The following ELFN1 variants were observed in gnomAD, a reference collection of about 807,000 sequenced individuals.
ELFN1 encodes the protein extracellular leucine rich repeat and fibronectin type III domain containing 1, also known as protein ELFN1.
In ELFN1, 6 loss-of-function variants were observed where a neutral mutation model predicts 7.6. That is an observed-to-expected ratio of 0.79 (90% CI 0.43 to 1.56). The LOEUF is 1.56. Ranked by LOEUF, ELFN1 falls within the 40% of genes most tolerant of loss-of-function variation. The pLI, the probability that ELFN1 is intolerant of heterozygous loss-of-function variation, is 0.01. For synonymous variants in ELFN1, 657 were observed against 588.1 expected (o/e 1.12, Z -1.70); for missense variants, 1,169 against 1,232.2 (o/e 0.95, Z 0.77).
At chr7:1,708,060 C>CT (rs1028216878) in intron 2 of ELFN1, among the ~76,000 whole-genome samples, 1 of 152,214 alleles carries the variant, frequency 6.6e-6, no homozygotes, top group African/African-American at 2.4e-5. Context: ...CTAGAACCCC[C>CT]CTTTGTCTTG....
chr7:1,747,302 CCACACACACACACACA>C lies in ELFN1; in HGVS notation c.*237_*252del. ...GCTTGTCGCCCCGGGTGGCACGTGT[CCACACACACACACACA>C]CACACACACACACACACGAGGGACT... On this transcript the variant is annotated 3_prime_UTR_variant, in exon 4 of 4. Transcript: ENST00000424383. 7.5e-6 allele frequency: 2 copies of C among 267,068 alleles called. No homozygotes were observed. Among genetic ancestry groups the C allele is most frequent in the Non-Finnish European group, 1.3e-5 (2 of 153,868 alleles). The allele number at this position is 267,068 out of a possible 1,614,324, so 16.5% of individuals were successfully genotyped here. A position where few individuals can be genotyped will look rare whatever the true frequency, so the allele number is the denominator to read the frequency against.
chr7:1,697,485 C>G (rs1326354799), intron 2 of ELFN1, among the ~76,000 whole-genome samples: 1 of 152,244 alleles, frequency 6.6e-6, no homozygotes, highest in Non-Finnish European at 1.5e-5. Context: ...GGTCCCGGCA[C>G]AGCCGAGGCC....
intron 1 of ELFN1, among the ~76,000 whole-genome samples, chr7:1,676,256 G>A (rs1778868643): frequency 6.6e-6 from 1 of 152,214 alleles, no homozygotes; most frequent in Non-Finnish European, 1.5e-5. Context: ...CTCACTGACA[G>A]ACTGCCCCTG....
chr7:1,666,459 G>A (rs1043112625), upstream of ELFN1, among the ~76,000 whole-genome samples: 1 of 152,008 alleles, frequency 6.6e-6, no homozygotes, highest in East Asian at 2.0e-4. The surrounding 1 kb of genome is among the most constrained non-coding windows in gnomAD (Gnocchi z 7.9). Flanking sequence ...CACCCACCCA[G>A]GTTCGGAGGC....
intron 1 of ELFN1, among the ~76,000 whole-genome samples, chr7:1,686,059 C>CT (rs139225517): frequency 5.4e-5 from 8 of 147,142 alleles, no homozygotes; most frequent in Admixed American, 6.9e-5. Context: ...TTTCCATTGA[C>CT]TTTTTTTTTT....
At chr7:1,700,058 A>G (rs1020456548) in intron 2 of ELFN1, among the ~76,000 whole-genome samples, 5 of 152,150 alleles carry the variant, frequency 3.3e-5, no homozygotes, top group African/African-American at 1.2e-4. Context: ...TTCTCTATCA[A>G]GCAGCAATGG....
chr7:1,699,990 G>A lies in ELFN1; in HGVS notation c.-455-9101G>A, dbSNP rs544808922. On this transcript the variant is annotated intron_variant, in intron 2 of 3. Transcript: ENST00000424383. Reference sequence around the variant, plus strand: ...GCTGGGATTACAGGCGTGAGCCCCCGTGCCCGGCCTCATCATTGTCTTCTT... The same window carrying A: ...GCTGGGATTACAGGCGTGAGCCCCCATGCCCGGCCTCATCATTGTCTTCTT... Among the ~76,000 whole-genome samples the A allele has an allele frequency of 1.4e-4, 21 of 152,284 alleles. No homozygotes were observed. The East Asian group carries it at 3.7e-3, about 27-fold the overall frequency.
chr7:1,745,327 G>T lies in ELFN1; in HGVS notation c.731G>T (p.Ser244Ile). The change falls in exon 4 of 4, where the codon AGC becomes ATC. Residue 244 changes from serine (S) to isoleucine (I), a missense_variant. By Grantham distance (142) the Ser-to-Ile change is moderately radical. This residue lies in a region of ELFN1 where 255 missense variants were observed against 359.6 expected (regional missense o/e 0.71). Transcript: ENST00000424383. Reference sequence around the variant, plus strand: ...CGCCGCGGCCACCGCAGCATCCTCAGCAAACTGCAGTCAGTCTGCACCGAG... The same window carrying T: ...CGCCGCGGCCACCGCAGCATCCTCATCAAACTGCAGTCAGTCTGCACCGAG... ...QGRRGHRSILSKLQSVCTEDS... is the reference protein window; with the variant it reads ...QGRRGHRSILIKLQSVCTEDS... 1 of 1,539,686 alleles carries T rather than the reference G, an allele frequency of 6.5e-7. No individual in the cohort carries two copies. Among genetic ancestry groups the T allele is most frequent in the Non-Finnish European group, 8.7e-7 (1 of 1,146,728 alleles).
At chr7:1,720,454 C>G (rs1261310268) in intron 3 of ELFN1, among the ~76,000 whole-genome samples, 1 of 152,212 alleles carries the variant, frequency 6.6e-6, no homozygotes, top group Non-Finnish European at 1.5e-5. Flanking sequence ...AGCCTCCACC[C>G]AGGCACAGCA....
intron 3 of ELFN1, among the ~76,000 whole-genome samples, chr7:1,719,827 C>T (rs1187532598): frequency 2.0e-5 from 3 of 151,810 alleles, no homozygotes; most frequent in Non-Finnish European, 4.4e-5. Context: ...CCTCTGCAAA[C>T]CCTCCCCCAA....
chr7:1,743,493 C>T (rs1267538176), intron 3 of ELFN1, among the ~76,000 whole-genome samples: 1 of 152,210 alleles, frequency 6.6e-6, no homozygotes, highest in African/African-American at 2.4e-5. Context: ...CAGACAGTGC[C>T]AAGTCCCAGT....
At chr7:1,727,056 C>T (rs1239480753) in intron 3 of ELFN1, among the ~76,000 whole-genome samples, 7 of 152,136 alleles carry the variant, frequency 4.6e-5, no homozygotes, top group South Asian at 4.2e-4. Flanking sequence ...TTCCATCACG[C>T]GTGTTCTCTT....
At chr7:1,741,938 C>G (rs1198847166) in intron 3 of ELFN1, among the ~76,000 whole-genome samples, 2 of 152,128 alleles carry the variant, frequency 1.3e-5, no homozygotes, top group Admixed American at 6.5e-5. Flanking sequence ...ATCACCTGCC[C>G]TGTGTACACA....
chr7:1,679,037 G>T (rs1411019891), intron 1 of ELFN1, among the ~76,000 whole-genome samples: 1 of 152,096 alleles, frequency 6.6e-6, no homozygotes, highest in Non-Finnish European at 1.5e-5. Flanking sequence ...CATCACCTCC[G>T]CTGGGCTGCG....
chr7:1,715,719 T>G (rs189834960), intron 3 of ELFN1, among the ~76,000 whole-genome samples: 1 of 152,344 alleles, frequency 6.6e-6, no homozygotes, highest in East Asian at 1.9e-4. Flanking sequence ...GTAACTTAAT[T>G]AGCAGACAGA....
At chr7:1,706,982 T>TCA (rs1197766074) in intron 2 of ELFN1, among the ~76,000 whole-genome samples, 1 of 151,994 alleles carries the variant, frequency 6.6e-6, no homozygotes, top group Non-Finnish European at 1.5e-5. Flanking sequence ...ATGCATGAGT[T>TCA]CATGTGCATG....
chr7:1,732,412 G>A (rs2128599054), intron 3 of ELFN1, among the ~76,000 whole-genome samples: 1 of 152,276 alleles, frequency 6.6e-6, no homozygotes, highest in East Asian at 1.9e-4. Context: ...GGGGAGCCAC[G>A]TAAGGTTGCA....
chr7:1,745,258 A>C lies in ELFN1; in HGVS notation c.662A>C (p.Glu221Ala). 1 of 1,539,242 alleles carries C rather than the reference A, an allele frequency of 6.5e-7. No individual in the cohort carries two copies. Among genetic ancestry groups the C allele is most frequent in the Non-Finnish European group, 8.7e-7 (1 of 1,146,836 alleles). The change falls in exon 4 of 4, where the codon GAG (glutamate) becomes GCG (alanine). Residue 221 changes from glutamate (E) to alanine (A), a missense_variant. Glu to Ala is a moderately radical substitution (Grantham distance 107). Transcript: ENST00000424383. ...ATQTYDRMQC[E>A]SPPVYSGYYL... ...CAGACGTACGACCGCATGCAGTGCG[A>C]GTCGCCGCCCGTCTACTCCGGCTAC... is the stretch of plus-strand genomic sequence containing the variant.
intron 2 of ELFN1, among the ~76,000 whole-genome samples, chr7:1,696,944 C>G: frequency 6.6e-6 from 1 of 152,194 alleles, no homozygotes; most frequent in African/African-American, 2.4e-5. Flanking sequence ...AGGAAATGAC[C>G]ACGAGCAATG....
Sources: allele counts gnomAD v4.1 joint callset (sites outside exome capture counted in the v4.1 genomes callset), GRCh38; gene constraint gnomAD v4.1.1; regional missense constraint gnomAD v4.1.1; non-coding constraint Gnocchi (gnomAD v3.1); transcripts MANE v1.5; gene names NCBI Gene and HGNC (gene_info 2026-07-23, HGNC 2026-07-21).